FCN1: variants seen among roughly 807,000 people sequenced by gnomAD.
The protein encoded by FCN1 is ficolin-1.
In FCN1, 42 loss-of-function variants were observed where a neutral mutation model predicts 35.6. That is an observed-to-expected ratio of 1.18 (90% CI 0.92 to 1.53). FCN1 has a LOEUF of 1.53. FCN1 is among the 40% of genes most tolerant of loss of function. FCN1 has a pLI of 0.00. For missense variants in FCN1, 439 were observed against 428.4 expected (o/e 1.02, Z -0.22); for synonymous variants, 179 against 169.8 (o/e 1.05, Z -0.42).
rs918080155 is a variant in FCN1 at position 134,905,322 on chromosome 9, C to T, written c.*4476G>A. ...GCCTACACTCCTACTTGAGAGGTCC[C>T]ATGGCCAGGAAGAAGAGCACTGGCC... On this transcript the variant is annotated 3_prime_UTR_variant, in exon 9 of 9. Transcript: ENST00000371806. Among the ~76,000 whole-genome samples, 1 of 152,196 alleles carries T rather than the reference C, an allele frequency of 6.6e-6. No individual in the cohort carries two copies. Among genetic ancestry groups the T allele is most frequent in the Non-Finnish European group, 1.5e-5 (1 of 68,038 alleles).
rs1029047524 is a variant in FCN1, at chr9:134,905,283, C to T, written c.*4515G>A. ...GATGTCCACGAATGCCCAAATGTTG[C>T]TGGATGGGCCCACGCCTACACTCCT... On this transcript the variant is annotated 3_prime_UTR_variant, in exon 9 of 9. Coordinates refer to ENST00000371806, the MANE Select transcript of FCN1 (RefSeq NM_002003.5). Among the ~76,000 whole-genome samples, 14 of 152,254 alleles carry T rather than the reference C, an allele frequency of 9.2e-5. No homozygotes were observed. Among genetic ancestry groups the T allele is most frequent in the Admixed American group, 2.0e-4 (3 of 15,294 alleles).
Position 134,914,802 on chromosome 9 carries a change from G to T in FCN1, c.225C>A (p.Arg75=), listed in dbSNP as rs138683483. The T allele has an allele frequency of 3.5e-4, 557 of 1,611,510 alleles. 1 individual carries two copies. The highest frequency in any genetic ancestry group is 4.2e-4 in the Non-Finnish European group (493 of 1,178,378). ...EAGVIGERGE[R]GLPGAPGKAG... is the part of the protein sequence containing the mutation. ...CCTTTCCAGGGGCTCCAGGGAGACC[G>T]CGTTCTCCTGAAAATTCCAAAGACA... The change falls in exon 3 of 9, where the codon CGC becomes CGA. Residue 75 remains arginine (R), a synonymous_variant. Coordinates refer to ENST00000371806, the MANE Select transcript of FCN1 (RefSeq NM_002003.5).
intron 1 of FCN1, 63 bp downstream of exon 1, chr9:134,917,706 C>T (rs1053111730): frequency 6.7e-6 from 7 of 1,051,632 alleles, no homozygotes; most frequent in Admixed American, 5.1e-5. Context: ...CTGGGACACC[C>T]GAGTGTCAGT....
chr9:134,913,651 A>G (rs761353382), intron 4 of FCN1, 38 bp from the exon 5 acceptor site: 2 of 1,567,082 alleles, frequency 1.3e-6, no homozygotes, highest in Non-Finnish European at 8.7e-7. Flanking sequence ...TAAGCTTGAA[A>G]TCAGAGCCTT....
rs1564215212 is a variant in FCN1 at position 134,905,835 on chromosome 9, TCTTCC to T, written c.*3958_*3962del. 6 of 28,770 alleles carry T rather than the reference TCTTCC, an allele frequency of 2.1e-4. 1 individual carries two copies. The highest frequency in any genetic ancestry group is 1.6e-3 in the African/African-American group (5 of 3,044). 1.8% of individuals were successfully genotyped at this position (28,770 alleles called of 1,614,324 possible). On this transcript the variant is annotated 3_prime_UTR_variant, in exon 9 of 9. Coordinates refer to ENST00000371806, the MANE Select transcript of FCN1 (RefSeq NM_002003.5). ...CTCTTCTTCTTCTTCTTCCTCTTCC[TCTTCC>T]TCTTCCTCTTCCTCTTCCTCTTCCT...
chr9:134,916,173 A>G (rs1264811246), intron 2 of FCN1, among the ~76,000 whole-genome samples, 175 bp downstream of exon 2: 1 of 152,236 alleles, frequency 6.6e-6, no homozygotes, highest in Non-Finnish European at 1.5e-5. Flanking sequence ...CCTCCATTTC[A>G]GAACCCTGTT....
In FCN1 at chr9:134,914,641, G is replaced by C. The variant is rs2989722; in HGVS notation, c.271+115C>G. 286 of 924,756 alleles carry C rather than the reference G, an allele frequency of 3.1e-4. 1 individual carries two copies. The highest frequency in any genetic ancestry group is 2.6e-3 in the Middle Eastern group (10 of 3,898). 57.3% of individuals were successfully genotyped at this position (924,756 alleles called of 1,614,324 possible). A position where few individuals can be genotyped will look rare whatever the true frequency, so the allele number is the denominator to read the frequency against. ...CCACTGTCTTTCTCTCTCTGTTGCC[G>C]TGTCTCTCTGTGTCTGTGTCTGTGT... On this transcript the variant is annotated intron_variant, in intron 3 of 8. Transcript: ENST00000371806.
In FCN1 at chr9:134,913,566, G is replaced by T. The variant is rs1472477668; in HGVS notation, c.340+15C>A. On this transcript the variant is annotated intron_variant, in intron 5 of 8. Coordinates refer to ENST00000371806, the MANE Select transcript of FCN1 (RefSeq NM_002003.5). ...GGCAAGGCTTGGGTACCGAGGTCAGGGTGTGATCAGTCACCTGTCGCACAC... is the reference window on the plus strand; with the variant it reads ...GGCAAGGCTTGGGTACCGAGGTCAGTGTGTGATCAGTCACCTGTCGCACAC... 5 of 1,603,248 alleles carry T rather than the reference G, an allele frequency of 3.1e-6. No homozygotes were observed. Among genetic ancestry groups the T allele is most frequent in the African/African-American group, 2.7e-5 (2 of 74,768 alleles).
chr9:134,912,759 AG>A lies in FCN1; in HGVS notation c.469-145del. On this transcript the variant is annotated intron_variant, in intron 6 of 8. Transcript: ENST00000371806. The stretch of plus-strand genomic sequence containing the variant: ...ACGCACGCCCATCTGGTCTCCTCAC[AG>A]ACTCCACAGGATGAAAGAGGAAATG... 4 of 1,221,264 alleles carry A rather than the reference AG, an allele frequency of 3.3e-6. No individual in the cohort carries two copies. The East Asian group carries it at 9.8e-5, about 30-fold the overall frequency. The allele number at this position is 1,221,264 out of a possible 1,614,324, so 75.7% of individuals were successfully genotyped here. A position where few individuals can be genotyped will look rare whatever the true frequency, so the allele number is the denominator to read the frequency against.
intron 1 of FCN1, 69 bp from the exon 2 acceptor site, chr9:134,916,530 C>T (rs1831094810): frequency 7.7e-6 from 11 of 1,437,150 alleles, no homozygotes; most frequent in Non-Finnish European, 7.9e-6. Flanking sequence ...GTTTTCTGCT[C>T]TGCTGGGGCC....
chr9:134,914,297 G>A (rs1404661648), intron 4 of FCN1, 88 bp downstream of exon 4: 1 of 1,152,514 alleles, frequency 8.7e-7, no homozygotes, highest in Non-Finnish European at 1.3e-6. Flanking sequence ...CAGGGACGTG[G>A]GCGGTGGGCA....
chr9:134,909,092 G>A lies in FCN1; in HGVS notation c.*706C>T, dbSNP rs936117533. The A allele has an allele frequency of 1.7e-5, 12 of 698,744 alleles. No homozygotes were observed. The highest frequency in any genetic ancestry group is 3.8e-5 in the African/African-American group (2 of 53,076). 43.3% of individuals were successfully genotyped at this position (698,744 alleles called of 1,614,324 possible). On this transcript the variant is annotated 3_prime_UTR_variant, in exon 9 of 9. Coordinates refer to ENST00000371806, the MANE Select transcript of FCN1 (RefSeq NM_002003.5). ...TGCAGCTTTTCCCACTGAGGTCCGC[G>A]GTCCCCTCTAGCTGAGGTCTGTGTG...
chr9:134,903,781 A>G lies in FCN1; in HGVS notation c.*6017T>C, dbSNP rs1830911722. ...AACGACTCTGACTGGTGTGTTGAAG[A>G]AAATGGAAGATGGTGAAAAAAATAG... On this transcript the variant is annotated 3_prime_UTR_variant, in exon 9 of 9. Transcript: ENST00000371806. 6.6e-6 allele frequency among the ~76,000 whole-genome samples: 1 copy of G among 152,226 alleles called. No individual in the cohort carries two copies. Among genetic ancestry groups the G allele is most frequent in the Non-Finnish European group, 1.5e-5 (1 of 68,038 alleles).
At position 134,904,652 on chromosome 9, in the gene FCN1, C is replaced by T. The variant is rs944656304; in HGVS notation, c.*5146G>A. Among the ~76,000 whole-genome samples, 13 of 152,034 alleles carry T rather than the reference C, an allele frequency of 8.6e-5. No homozygotes were observed. The highest frequency in any genetic ancestry group is 1.3e-4 in the Admixed American group (2 of 15,254). On this transcript the variant is annotated 3_prime_UTR_variant, in exon 9 of 9. Transcript: ENST00000371806. ...AAAATTAGCCCAGCGTAGTGGTGCACACCTGTAGTCCCAGCTACACGGGAA... is the reference window on the plus strand; with the variant it reads ...AAAATTAGCCCAGCGTAGTGGTGCATACCTGTAGTCCCAGCTACACGGGAA...
In FCN1 at chr9:134,909,119, G is replaced by T; in HGVS notation, c.*679C>A. On this transcript the variant is annotated 3_prime_UTR_variant, in exon 9 of 9. Transcript: ENST00000371806. ...TCCCCTCTAGCTGAGGTCTGTGTGT[G>T]GGAGGAAGGCCTCTTCGGAATCTTC... The T allele has an allele frequency of 9.9e-7, 1 of 1,014,706 alleles. No homozygotes were observed. Among genetic ancestry groups the T allele is most frequent in the Non-Finnish European group, 1.3e-6 (1 of 760,968 alleles). The allele number at this position is 1,014,706 out of a possible 1,614,324, so 62.9% of individuals were successfully genotyped here. A position where few individuals can be genotyped will look rare whatever the true frequency, so the allele number is the denominator to read the frequency against.
chr9:134,915,225 T>C (rs914193049), intron 2 of FCN1, among the ~76,000 whole-genome samples: 2 of 152,190 alleles, frequency 1.3e-5, no homozygotes, highest in African/African-American at 2.4e-5. Context: ...GGGCGCCACG[T>C]GCAGCCGCTG....
intron 7 of FCN1, among the ~76,000 whole-genome samples, chr9:134,911,511 CT>C (rs34347752): frequency 0.67 from 97,206 of 144,224 alleles, 33,400 homozygotes; most frequent in African/African-American, 0.85. Context: ...CACACAGCTA[CT>C]TTTTTTTTTT....
rs1471359221 is a variant in FCN1 at position 134,907,602 on chromosome 9, T to C, written c.*2196A>G. The C allele has an allele frequency of 1.3e-5, 2 of 152,174 alleles. No homozygotes were observed. Among genetic ancestry groups the C allele is most frequent in the Non-Finnish European group, 2.9e-5 (2 of 68,028 alleles). 9.4% of individuals were successfully genotyped at this position (152,174 alleles called of 1,614,324 possible). On this transcript the variant is annotated 3_prime_UTR_variant, in exon 9 of 9. Coordinates refer to ENST00000371806, the MANE Select transcript of FCN1 (RefSeq NM_002003.5). ...TGGTCCCACCCTCAAATACAATCAC[T>C]TTCTTATTTTTCCTGTATACATTTA... is the stretch of plus-strand genomic sequence containing the variant.
In FCN1 at chr9:134,914,640, C is replaced by T. The variant is rs565194866; in HGVS notation, c.271+116G>A. 17 of 914,222 alleles carry T rather than the reference C, an allele frequency of 1.9e-5. No homozygotes were observed. The East Asian group carries it at 3.7e-4, about 20-fold the overall frequency. 56.6% of individuals were successfully genotyped at this position (914,222 alleles called of 1,614,324 possible). A position where few individuals can be genotyped will look rare whatever the true frequency, so the allele number is the denominator to read the frequency against. ...GCCACTGTCTTTCTCTCTCTGTTGC[C>T]GTGTCTCTCTGTGTCTGTGTCTGTG... On this transcript the variant is annotated intron_variant, in intron 3 of 8. Transcript: ENST00000371806.
Sources: allele counts gnomAD v4.1 joint callset (sites outside exome capture counted in the v4.1 genomes callset), GRCh38; gene constraint gnomAD v4.1.1; transcripts MANE v1.5; gene names NCBI Gene and HGNC (gene_info 2026-07-23, HGNC 2026-07-21).